KLRG1: variants seen among roughly 807,000 people sequenced by gnomAD.
The protein encoded by KLRG1 is killer cell lectin-like receptor subfamily G member 1.
KLRG1 carries 16 observed loss-of-function variants against 21.8 expected under a neutral mutation model. That is an observed-to-expected ratio of 0.73 (90% CI 0.50 to 1.11). The LOEUF (loss-of-function observed/expected upper bound fraction) is 1.11, where lower values mean the gene tolerates loss of function less well. Ranked by LOEUF, KLRG1 falls within the 50% of genes most tolerant of loss-of-function variation. The pLI is 0.00. For missense variants in KLRG1, 173 were observed against 218.3 expected (o/e 0.79, Z 1.31); for synonymous variants, 69 against 75.9 (o/e 0.91, Z 0.47).
intron 3 of KLRG1, among the ~76,000 whole-genome samples, chr12:9,005,378 T>G (rs1224750233): frequency 6.6e-6 from 1 of 152,058 alleles, no homozygotes; most frequent in Admixed American, 6.6e-5. Context: ...AAAGAAAATG[T>G]GTATGTATAC....
At chr12:9,149,677 C>A in the KLRG1 span, 1 of 1,463,844 alleles carries the variant, frequency 6.8e-7, no homozygotes, top group South Asian at 1.2e-5. Context: ...TGTCTAGTCA[C>A]TTTACTACTG....
chr12:9,140,301 T>A, the KLRG1 span, among the ~76,000 whole-genome samples: 1 of 152,110 alleles, frequency 6.6e-6, no homozygotes, highest in Non-Finnish European at 1.5e-5. Context: ...CATGCTATGG[T>A]TTTTTTCCCA....
chr12:9,094,970 T>A, the KLRG1 span: 4 of 1,482,070 alleles, frequency 2.7e-6, no homozygotes, highest in Non-Finnish European at 3.6e-6. Flanking sequence ...ATTTTTTGTT[T>A]ACCATAAAAA....
At chr12:8,970,492 C>T (rs1025488520) in intron 1 of KLRG1, 10 of 152,242 alleles carry the variant, frequency 6.6e-5, no homozygotes, top group Non-Finnish European at 1.5e-4. Context: ...AAAGTTTTCC[C>T]ACAATGAAAG....
At chr12:8,988,886 C>CT (rs2137317868), upstream of KLRG1, among the ~76,000 whole-genome samples, 1 of 152,184 alleles carries the variant, frequency 6.6e-6, no homozygotes, top group South Asian at 2.1e-4. Flanking sequence ...CTGGCCTACT[C>CT]TAACTTTTTA....
the KLRG1 span, among the ~76,000 whole-genome samples, chr12:9,093,841 G>A: frequency 2.3e-3 from 347 of 148,190 alleles, 10 homozygotes; most frequent in African/African-American, 8.7e-3. Context: ...CCGAGACGGC[G>A]CCACTGCACT....
At chr12:9,153,123 A>G in the KLRG1 span, 2 of 1,613,892 alleles carry the variant, frequency 1.2e-6, no homozygotes. Flanking sequence ...TTGGAGCCCT[A>G]CCTGAAGATA....
chr12:9,137,921 G>T, the KLRG1 span, among the ~76,000 whole-genome samples: 1 of 152,006 alleles, frequency 6.6e-6, no homozygotes, highest in Non-Finnish European at 1.5e-5. Flanking sequence ...TTTTAAAATG[G>T]AGCCTTTGGG....
the KLRG1 span, chr12:9,036,707 A>G: frequency 3.6e-6 from 1 of 276,480 alleles, no homozygotes; most frequent in South Asian, 4.4e-5. Context: ...CAGGAAACAA[A>G]AGTGGTAAAA....
At chr12:8,960,753 T>C (rs367843265) in intron 1 of KLRG1, among the ~76,000 whole-genome samples, 8 of 152,218 alleles carry the variant, frequency 5.3e-5, no homozygotes, top group Admixed American at 5.2e-4. Context: ...ATTTGTTTAT[T>C]GTCCAGTATA....
the KLRG1 span, chr12:9,079,656 A>G: frequency 9.2e-5 from 149 of 1,613,294 alleles, 1 homozygote; most frequent in South Asian, 1.3e-3. Context: ...GAGATAGCCA[A>G]TGGCCTTGGA....
chr12:9,152,777 A>G, the KLRG1 span: 1 of 1,584,066 alleles, frequency 6.3e-7, no homozygotes, highest in Non-Finnish European at 8.6e-7. Flanking sequence ...TGTTAATTCC[A>G]AGTTGCTTTT....
the KLRG1 span, among the ~76,000 whole-genome samples, chr12:9,121,855 A>G: frequency 6.6e-6 from 1 of 152,204 alleles, no homozygotes; most frequent in Non-Finnish European, 1.5e-5. The surrounding 1 kb of genome is among the most constrained non-coding windows in gnomAD (Gnocchi z 4.4). Flanking sequence ...TATCTCATCA[A>G]CTTTCTAAAA....
intron 3 of KLRG1, among the ~76,000 whole-genome samples, chr12:9,004,933 G>A (rs1441341484): frequency 6.6e-6 from 1 of 151,786 alleles, no homozygotes; most frequent in Admixed American, 6.6e-5. Flanking sequence ...TTTTTAAATT[G>A]GCACATAATA....
chr12:9,028,146 CTTCT>C, the KLRG1 span: 143 of 503,196 alleles, frequency 2.8e-4, no homozygotes, highest in Non-Finnish European at 3.9e-4. Context: ...TCGTCGTCTT[CTTCT>C]TTTTTTTTTT....
chr12:9,215,380 A>T, the KLRG1 span, among the ~76,000 whole-genome samples: 1 of 152,058 alleles, frequency 6.6e-6, no homozygotes, highest in African/African-American at 2.4e-5. Context: ...ACAAAAGAAG[A>T]ATTACTAGGA....
At chr12:9,186,459 C>A in the KLRG1 span, among the ~76,000 whole-genome samples, 1 of 152,110 alleles carries the variant, frequency 6.6e-6, no homozygotes, top group Non-Finnish European at 1.5e-5. Context: ...CACAGAGTGG[C>A]AAGCCAGATG....
the KLRG1 span, among the ~76,000 whole-genome samples, chr12:9,082,646 G>C: frequency 4.6e-5 from 7 of 152,256 alleles, no homozygotes; most frequent in African/African-American, 1.7e-4. Context: ...GGATTATGAA[G>C]AATCAAGGAA....
At chr12:9,183,765 G>A in the KLRG1 span, among the ~76,000 whole-genome samples, 4 of 152,094 alleles carry the variant, frequency 2.6e-5, no homozygotes, top group African/African-American at 4.8e-5. Flanking sequence ...ATAACTCTAC[G>A]TAGAATGTGG....
Sources: gnomAD v4.1 joint callset for allele counts (sites outside exome capture counted in the v4.1 genomes callset) on GRCh38, gnomAD v4.1.1 for gene constraint, Gnocchi (gnomAD v3.1) non-coding constraint, MANE v1.5 for transcripts, NCBI Gene and HGNC (gene_info 2026-07-23, HGNC 2026-07-21) for gene names.